CPSF7: variants seen among roughly 807,000 people sequenced by gnomAD.
The protein encoded by CPSF7 is cleavage and polyadenylation specific factor 7, also known as cleavage and polyadenylation specificity factor subunit 7.
Under a neutral mutation model 44.3 loss-of-function variants are expected in CPSF7, and 1 was observed. The observed-to-expected ratio is 0.02, with a 90% CI of 0.01 to 0.11. The LOEUF (loss-of-function observed/expected upper bound fraction) is 0.11. Ranked by LOEUF, CPSF7 falls within the 10% of genes least tolerant of loss-of-function variation. CPSF7 has a pLI of 1.00. For missense variants in CPSF7, 443 were observed against 607.2 expected (o/e 0.73, Z 2.84); for synonymous variants, 202 against 222.0 (o/e 0.91, Z 0.80).
rs949743630 is a variant in CPSF7, at chr11:61,429,166, C to A, written c.54+16G>T. Reference sequence around the variant, plus strand: ...GATGATCAAGGAAAATCCCAAAGCTCCTGATGACACCTCACCTGGTTGAAC... The same window carrying A: ...GATGATCAAGGAAAATCCCAAAGCTACTGATGACACCTCACCTGGTTGAAC... On this transcript the variant is annotated intron_variant, in intron 2 of 9. Coordinates refer to ENST00000439958, the MANE Select transcript of CPSF7 (RefSeq NM_001142565.3). 6.9e-6 allele frequency: 10 copies of A among 1,441,214 alleles called. No homozygotes were observed. Among genetic ancestry groups the A allele is most frequent in the Non-Finnish European group, 8.8e-6 (9 of 1,024,892 alleles). 89.3% of individuals were successfully genotyped at this position (1,441,214 alleles called of 1,614,324 possible). A position where few individuals can be genotyped will look rare whatever the true frequency, so the allele number is the denominator to read the frequency against.
Position 61,420,500 on chromosome 11 carries a change from G to C in CPSF7, c.347C>G (p.Ala116Gly). 2 of 1,614,056 alleles carry C rather than the reference G, an allele frequency of 1.2e-6. No individual in the cohort carries two copies. Among genetic ancestry groups the C allele is most frequent in the Non-Finnish European group, 1.7e-6 (2 of 1,179,968 alleles). Residue 116 changes from alanine (A) to glycine (G), a missense_variant, in exon 4 of 10, where the codon GCA becomes GGA. Physicochemically the swap from Ala to Gly is moderately conservative, Grantham distance 60. Transcript: ENST00000439958. ...GGACTGGCCATTTGCTCGATTCTCT[G>C]CAAATTTCAACTCCACCACATCATA... The part of the protein sequence containing the change: ...GVYDVVELKF[A>G]ENRANGQSKG...
intron 8 of CPSF7, among the ~76,000 whole-genome samples, 180 bp downstream of exon 8, chr11:61,411,589 G>A (rs1397912344): frequency 6.6e-6 from 1 of 152,152 alleles, no homozygotes; most frequent in East Asian, 1.9e-4. Context: ...GATTCCAGAT[G>A]TTACAACACT....
In CPSF7 at chr11:61,412,019, C is replaced by G. The variant is rs1308028768; in HGVS notation, c.1058-82G>C. 4 of 1,303,900 alleles carry G rather than the reference C, an allele frequency of 3.1e-6. No homozygotes were observed. In the African/African-American group the frequency reaches 4.3e-5, roughly 14 times the overall value. The allele number at this position is 1,303,900 out of a possible 1,614,324, so 80.8% of individuals were successfully genotyped here. A position where few individuals can be genotyped will look rare whatever the true frequency, so the allele number is the denominator to read the frequency against. Reference sequence around the variant, plus strand: ...ACCAAAAGGAGAACTCAGGCAGACACAAACCAAGAGTAGCTAGCCGTCCCA... The same window carrying G: ...ACCAAAAGGAGAACTCAGGCAGACAGAAACCAAGAGTAGCTAGCCGTCCCA... On this transcript the variant is annotated intron_variant, in intron 7 of 9. Coordinates refer to ENST00000439958, the MANE Select transcript of CPSF7 (RefSeq NM_001142565.3).
In CPSF7 at chr11:61,416,486, C is replaced by T. The variant is rs1860350904; in HGVS notation, c.557G>A (p.Ser186Asn). ...TGTGGCCCGTCCATCAGCAGAATCA[C>T]TAGAATCTCGGGAATGGGCCCGTGG... ...IPPRAHSRDS[S>N]DSADGRATPS... The change falls in exon 6 of 10, where the codon AGT becomes AAT. Residue 186 changes from serine to asparagine, a missense_variant. Ser to Asn is a conservative substitution (Grantham distance 46). Transcript: ENST00000439958. 3.7e-6 allele frequency: 6 copies of T among 1,614,014 alleles called. No homozygotes were observed. Among genetic ancestry groups the T allele is most frequent in the Admixed American group, 1.7e-5 (1 of 59,996 alleles).
At chr11:61,428,829 A>C in intron 2 of CPSF7, 1 of 162,562 alleles carries the variant, frequency 6.2e-6, no homozygotes, top group Non-Finnish European at 1.3e-5. Flanking sequence ...AACCGGTATC[A>C]ACACTGTCCT....
Position 61,416,376 on chromosome 11 carries a change from G to C in CPSF7, c.667C>G (p.Leu223Val). Residue 223 changes from leucine to valine, a missense_variant, in exon 6 of 10, where the codon CTT (leucine) becomes GTT (valine). Physicochemically the swap from Leu to Val is conservative, Grantham distance 32 (BLOSUM62 1). Coordinates refer to ENST00000439958, the MANE Select transcript of CPSF7 (RefSeq NM_001142565.3). The part of the protein sequence containing the change: ...LPYFNRPPSA[L>V]PLMGLPPPPI... ...GGTGGGGGCAGACCCATCAGGGGAA[G>C]GGCCGAAGGAGGACGATTGAAGTAG... 6.2e-7 allele frequency: 1 copy of C among 1,611,666 alleles called. No individual in the cohort carries two copies. Among genetic ancestry groups the C allele is most frequent in the Non-Finnish European group, 8.5e-7 (1 of 1,178,622 alleles).
chr11:61,415,191 T>C (rs573741483), intron 7 of CPSF7, among the ~76,000 whole-genome samples: 21 of 152,226 alleles, frequency 1.4e-4, no homozygotes, highest in African/African-American at 3.9e-4. Context: ...TGAGCCAAGA[T>C]TGCACCACTG....
In CPSF7 at chr11:61,424,514, G is replaced by A. The variant is rs56810377; in HGVS notation, c.55-2906C>T. Among the ~76,000 whole-genome samples the A allele has an allele frequency of 2.0e-3, 301 of 152,224 alleles. 1 individual carries two copies. The highest frequency in any genetic ancestry group is 6.9e-3 in the African/African-American group (286 of 41,544). ...GTCACCCAGGTTGAAGTGCAGTGGCGCAATCTTGGCTCACTGCAACCTCCG... is the reference window on the plus strand; with the variant it reads ...GTCACCCAGGTTGAAGTGCAGTGGCACAATCTTGGCTCACTGCAACCTCCG... On this transcript the variant is annotated intron_variant, in intron 2 of 9. Coordinates refer to ENST00000439958, the MANE Select transcript of CPSF7 (RefSeq NM_001142565.3).
intron 1 of CPSF7, 150 bp from the exon 2 acceptor site, chr11:61,429,440 C>T (rs1349461636): frequency 1.9e-6 from 1 of 533,480 alleles, no homozygotes; most frequent in Admixed American, 3.9e-5. Context: ...CCCGGCCTCG[C>T]GCCGCCCACC....
chr11:61,429,325 C>T, intron 1 of CPSF7, 35 bp from the exon 2 acceptor site: 2 of 1,263,582 alleles, frequency 1.6e-6, no homozygotes, highest in Non-Finnish European at 2.3e-6. Flanking sequence ...AATTAGAAGG[C>T]ACGAGGGTCC....
intron 2 of CPSF7, among the ~76,000 whole-genome samples, chr11:61,423,052 G>A (rs1289069779): frequency 6.7e-6 from 1 of 148,814 alleles, no homozygotes; most frequent in Non-Finnish European, 1.5e-5. Flanking sequence ...ACTCGAGCCC[G>A]GGAGGTTGAG....
At chr11:61,414,299 G>C (rs930462400) in intron 7 of CPSF7, among the ~76,000 whole-genome samples, 4 of 152,006 alleles carry the variant, frequency 2.6e-5, no homozygotes, top group Admixed American at 6.6e-5. Context: ...TGGGTCTATA[G>C]GCATGTGCCA....
chr11:61,405,875 A>G (rs982154005), intron 9 of CPSF7: 2 of 152,144 alleles, frequency 1.3e-5, no homozygotes, highest in African/African-American at 4.8e-5. Flanking sequence ...GCAGGCTGGT[A>G]TTTGTCCCAT....
chr11:61,420,524 T>A lies in CPSF7; in HGVS notation c.323A>T (p.Tyr108Phe). The change falls in exon 4 of 10, where the codon TAT becomes TTT. Residue 108 changes from tyrosine to phenylalanine, a missense_variant. Tyr to Phe is a conservative substitution (Grantham distance 22). Transcript: ENST00000439958. ...LIQVIRSIGV[Y>F]DVVELKFAEN... ...TGCAAATTTCAACTCCACCACATCA[T>A]AGACTCCTATAGAGCGAATAACCTG... The A allele has an allele frequency of 6.2e-7, 1 of 1,614,140 alleles. No individual in the cohort carries two copies. The highest frequency in any genetic ancestry group is 8.5e-7 in the Non-Finnish European group (1 of 1,180,026).
At chr11:61,420,367 G>T (rs999077232) in intron 4 of CPSF7, 103 bp downstream of exon 4, 2 of 1,042,286 alleles carry the variant, frequency 1.9e-6, no homozygotes, top group African/African-American at 3.2e-5. Flanking sequence ...GCAGTAAGCT[G>T]GGCCAGGGGT....
intron 2 of CPSF7, among the ~76,000 whole-genome samples, chr11:61,424,488 T>TGTCACCCAGGTTG (rs568165487): frequency 1.2e-3 from 180 of 152,296 alleles, no homozygotes; most frequent in Non-Finnish European, 1.3e-3. Flanking sequence ...AGTCTCACTT[T>TGTCACCCAGGTTG]GTCACCCAGG....
In CPSF7 at chr11:61,403,307, TTAGG is replaced by T. The variant is rs1292140000; in HGVS notation, c.*1399_*1402del. 1 of 152,210 alleles carries T rather than the reference TTAGG, an allele frequency of 6.6e-6. No homozygotes were observed. The highest frequency in any genetic ancestry group is 1.5e-5 in the Non-Finnish European group (1 of 68,036). The allele number at this position is 152,210 out of a possible 1,614,324, so 9.4% of individuals were successfully genotyped here. A position where few individuals can be genotyped will look rare whatever the true frequency, so the allele number is the denominator to read the frequency against. ...CTCATCTCACATGCCACGTCTCATG[TTAGG>T]TGTCAGATGCCCTGTAGATGCATGC... On this transcript the variant is annotated 3_prime_UTR_variant, in exon 10 of 10. Transcript: ENST00000439958.
chr11:61,411,978 A>C (rs778680349), intron 7 of CPSF7, 41 bp from the exon 8 acceptor site: 1 of 1,575,414 alleles, frequency 6.3e-7, no homozygotes, highest in South Asian at 1.1e-5. Flanking sequence ...GTGAGGAGAG[A>C]TGGTAAACTA....
At chr11:61,420,988 GAAC>G in intron 3 of CPSF7, 1 of 947,918 alleles carries the variant, frequency 1.1e-6, no homozygotes, top group Non-Finnish European at 1.5e-6. Flanking sequence ...ATAACTTGCA[GAAC>G]AACAGTCACC....
Sources: gnomAD v4.1 joint callset for allele counts (sites outside exome capture counted in the v4.1 genomes callset) on GRCh38, gnomAD v4.1.1 for gene constraint, MANE v1.5 for transcripts, NCBI Gene and HGNC (gene_info 2026-07-23, HGNC 2026-07-21) for gene names.